Variants in SLC25A28 observed in about 807,000 individuals in gnomAD.
SLC25A28 encodes the protein solute carrier family 25 member 28.
A neutral mutation model predicts 31.9 loss-of-function variants in SLC25A28; 10 were observed. That is an observed-to-expected ratio of 0.31 (90% CI 0.19 to 0.53). SLC25A28 has a LOEUF of 0.53. SLC25A28 is among the 20% of genes least tolerant of loss of function. The pLI is 0.95. For synonymous variants in SLC25A28, 208 were observed against 203.6 expected (o/e 1.02, Z -0.19); for missense variants, 256 against 490.3 (o/e 0.52, Z 4.51).
the SLC25A28 span, among the ~76,000 whole-genome samples, chr10:99,654,256 T>G: frequency 1.3e-5 from 2 of 152,110 alleles, no homozygotes; most frequent in Admixed American, 1.3e-4. Flanking sequence ...TTCACTGACT[T>G]AAAAATAAGA....
the SLC25A28 span, among the ~76,000 whole-genome samples, chr10:99,650,338 C>T: frequency 6.6e-6 from 1 of 152,078 alleles, no homozygotes; most frequent in Non-Finnish European, 1.5e-5. Context: ...TCACGATGCC[C>T]AGCAAATTTT....
chr10:99,657,156 C>T, the SLC25A28 span, among the ~76,000 whole-genome samples: 61,961 of 151,940 alleles, frequency 0.41, 12,875 homozygotes, highest in East Asian at 0.6. Context: ...AGTTCATAAA[C>T]CATAGGAATT....
upstream of SLC25A28, chr10:99,620,923 C>T: frequency 1.0e-6 from 1 of 984,038 alleles, no homozygotes; most frequent in Non-Finnish European, 1.2e-6. Flanking sequence ...CAACGTCAAA[C>T]TGCTGACGGG....
rs1056194244 is a variant in SLC25A28 at position 99,619,931 on chromosome 10, G to A, written c.291+114C>T. 6.3e-6 allele frequency: 7 copies of A among 1,114,070 alleles called. No individual in the cohort carries two copies. The African/African-American group carries it at 8.1e-5, about 13-fold the overall frequency. The allele number at this position is 1,114,070 out of a possible 1,614,324, so 69.0% of individuals were successfully genotyped here. On this transcript the variant is annotated intron_variant, in intron 1 of 3. Transcript: ENST00000370495. ...GGTTCGAATCATGTGGTAGTGGCAGGAGCCAGGAAGGAACCCATGTCGGCT... is the reference window on the plus strand; with the variant it reads ...GGTTCGAATCATGTGGTAGTGGCAGAAGCCAGGAAGGAACCCATGTCGGCT...
At chr10:99,643,758 A>G in the SLC25A28 span, among the ~76,000 whole-genome samples, 1 of 152,126 alleles carries the variant, frequency 6.6e-6, no homozygotes, top group Non-Finnish European at 1.5e-5. Flanking sequence ...AGATTCTGGT[A>G]TGTTGTGTCT....
At chr10:99,639,293 C>T in the SLC25A28 span, among the ~76,000 whole-genome samples, 8 of 146,436 alleles carry the variant, frequency 5.5e-5, no homozygotes, top group Admixed American at 5.4e-4. Flanking sequence ...TGTGAGGATG[C>T]AAAGCCATAA....
chr10:99,612,148 A>T (rs1175760552), intron 3 of SLC25A28, among the ~76,000 whole-genome samples: 2 of 152,240 alleles, frequency 1.3e-5, no homozygotes, highest in African/African-American at 4.8e-5. Flanking sequence ...CTTCATTCCA[A>T]TAAGAAAGGC....
the SLC25A28 span, among the ~76,000 whole-genome samples, chr10:99,639,834 G>A: frequency 4.1e-4 from 63 of 151,902 alleles, no homozygotes; most frequent in African/African-American, 1.4e-3. Context: ...TTCTCATAGC[G>A]ACAAAGTTAA....
At chr10:99,629,411 AG>A in the SLC25A28 span, among the ~76,000 whole-genome samples, 4 of 152,230 alleles carry the variant, frequency 2.6e-5, no homozygotes, top group African/African-American at 9.7e-5. Context: ...ATTCCTTTAT[AG>A]CAACACAAGA....
chr10:99,637,435 C>T, the SLC25A28 span, among the ~76,000 whole-genome samples: 1 of 152,170 alleles, frequency 6.6e-6, no homozygotes, highest in Admixed American at 6.5e-5. Context: ...GAAGTCCCAG[C>T]CAGAGCAATC....
chr10:99,643,669 T>C, the SLC25A28 span, among the ~76,000 whole-genome samples: 2 of 152,192 alleles, frequency 1.3e-5, no homozygotes, highest in Non-Finnish European at 2.9e-5. Context: ...GGGTATGAAT[T>C]TTAGATCTTT....
At chr10:99,635,749 A>T in the SLC25A28 span, among the ~76,000 whole-genome samples, 12 of 152,338 alleles carry the variant, frequency 7.9e-5, no homozygotes, top group East Asian at 2.3e-3. Context: ...AAGGACTCAC[A>T]TAAACTTAAA....
chr10:99,638,260 T>C, the SLC25A28 span, among the ~76,000 whole-genome samples: 1 of 152,196 alleles, frequency 6.6e-6, no homozygotes, highest in African/African-American at 2.4e-5. Flanking sequence ...TGAAACTGGA[T>C]CCTCATCTCT....
At chr10:99,614,317 C>CT (rs1481932962) in intron 1 of SLC25A28, among the ~76,000 whole-genome samples, 2 of 152,306 alleles carry the variant, frequency 1.3e-5, no homozygotes, top group East Asian at 3.9e-4. Context: ...CTATGACATA[C>CT]TTTATGCTGT....
chr10:99,623,182 A>G (rs2034825770), upstream of SLC25A28, among the ~76,000 whole-genome samples: 1 of 152,206 alleles, frequency 6.6e-6, no homozygotes. Context: ...AGGTACGACA[A>G]CCCTAAGGTG....
the SLC25A28 span, among the ~76,000 whole-genome samples, chr10:99,634,956 AC>A: frequency 6.6e-6 from 1 of 152,176 alleles, no homozygotes; most frequent in African/African-American, 2.4e-5. Context: ...CTCAACAGAA[AC>A]CCTACATGCT....
At chr10:99,635,112 T>C in the SLC25A28 span, among the ~76,000 whole-genome samples, 2 of 152,206 alleles carry the variant, frequency 1.3e-5, no homozygotes, top group African/African-American at 4.8e-5. Context: ...AATTAGCCAC[T>C]ACGAAGTCAC....
At chr10:99,632,664 G>A in the SLC25A28 span, among the ~76,000 whole-genome samples, 2 of 152,178 alleles carry the variant, frequency 1.3e-5, no homozygotes, top group African/African-American at 4.8e-5. Context: ...AATTATCATA[G>A]TTACTGTCCT....
chr10:99,618,282 T>C (rs759070095), intron 1 of SLC25A28: 3 of 983,898 alleles, frequency 3.0e-6, no homozygotes, highest in Non-Finnish European at 3.6e-6. Context: ...AATGGAACAG[T>C]GGTTAAATTG....
Sources: allele counts gnomAD v4.1 joint callset (sites outside exome capture counted in the v4.1 genomes callset), GRCh38; gene constraint gnomAD v4.1.1; transcripts MANE v1.5; gene names NCBI Gene and HGNC (gene_info 2026-07-23, HGNC 2026-07-21).